OPCML: variants seen among roughly 807,000 people sequenced by gnomAD.
OPCML encodes the protein opioid-binding protein/cell adhesion molecule.
OPCML carries 13 observed loss-of-function variants against 37.8 expected under a neutral mutation model. The observed-to-expected ratio is 0.34, with a 90% CI of 0.22 to 0.55. The LOEUF is 0.55. Ranked by LOEUF, OPCML falls within the 20% of genes least tolerant of loss-of-function variation. OPCML has a pLI of 0.91. For synonymous variants in OPCML, 176 were observed against 168.8 expected (o/e 1.04, Z -0.33); for missense variants, 341 against 435.6 (o/e 0.78, Z 1.93).
chr11:132,579,916 A>G (rs1236516187), intron 3 of OPCML, among the ~76,000 whole-genome samples: 1 of 152,172 alleles, frequency 6.6e-6, no homozygotes, highest in Non-Finnish European at 1.5e-5. Flanking sequence ...GCGACTTGTG[A>G]AAAATGTAGT....
intron 1 of OPCML, among the ~76,000 whole-genome samples, chr11:133,033,012 G>C (rs979212327): frequency 3.3e-5 from 5 of 152,090 alleles, no homozygotes; most frequent in African/African-American, 9.7e-5. Context: ...TCCCAGTCCA[G>C]AAATGGTTGT....
intron 1 of OPCML, among the ~76,000 whole-genome samples, chr11:133,447,868 T>C (rs1379907430): frequency 1.3e-5 from 2 of 152,246 alleles, no homozygotes; most frequent in Non-Finnish European, 2.9e-5. Context: ...GGAAATCCTT[T>C]GCTTATTTTT....
At chr11:132,864,607 T>C (rs1942452024) in intron 2 of OPCML, among the ~76,000 whole-genome samples, 1 of 152,200 alleles carries the variant, frequency 6.6e-6, no homozygotes, top group African/African-American at 2.4e-5. Context: ...CTATAAATTG[T>C]AGGATCTAAT....
chr11:132,881,447 T>C (rs1297436916), intron 2 of OPCML, among the ~76,000 whole-genome samples: 1 of 152,038 alleles, frequency 6.6e-6, no homozygotes, highest in Non-Finnish European at 1.5e-5. Flanking sequence ...GCTGAGGAGC[T>C]GTGAGGCTGG....
intron 1 of OPCML, among the ~76,000 whole-genome samples, chr11:133,456,132 G>C (rs1946667149): frequency 6.6e-6 from 1 of 152,138 alleles, no homozygotes; most frequent in Non-Finnish European, 1.5e-5. Context: ...AATGTTAAGG[G>C]GGACTATAGA....
intron 1 of OPCML, among the ~76,000 whole-genome samples, chr11:133,335,810 A>G (rs1488065776): frequency 6.6e-6 from 1 of 152,066 alleles, no homozygotes; most frequent in African/African-American, 2.4e-5. Context: ...GCTCCCAAGA[A>G]TCAAACTGAT....
intron 2 of OPCML, among the ~76,000 whole-genome samples, chr11:132,918,061 G>A (rs1198437408): frequency 6.6e-6 from 1 of 151,998 alleles, no homozygotes; most frequent in Non-Finnish European, 1.5e-5. Flanking sequence ...CTATGTCACT[G>A]GTGTTGGAAA....
chr11:132,820,674 C>T (rs1373525972), intron 2 of OPCML, among the ~76,000 whole-genome samples: 3 of 152,112 alleles, frequency 2.0e-5, no homozygotes, highest in Non-Finnish European at 4.4e-5. Flanking sequence ...CCAGAAATTG[C>T]TGAATTCACT....
At chr11:132,567,931 T>C (rs1190305818) in intron 3 of OPCML, among the ~76,000 whole-genome samples, 1 of 152,112 alleles carries the variant, frequency 6.6e-6, no homozygotes, top group Admixed American at 6.5e-5. Context: ...GACAGAAGCC[T>C]GGGAAAATGG....
At chr11:132,914,995 T>C (rs1198297564) in intron 2 of OPCML, among the ~76,000 whole-genome samples, 1 of 152,230 alleles carries the variant, frequency 6.6e-6, no homozygotes, top group East Asian at 1.9e-4. Context: ...TTGCGGCCTG[T>C]GCAAGAGCTT....
intron 1 of OPCML, among the ~76,000 whole-genome samples, chr11:133,497,350 T>C (rs190915353): frequency 6.6e-6 from 1 of 152,270 alleles, no homozygotes; most frequent in Non-Finnish European, 1.5e-5. Context: ...GTGTCCAAAG[T>C]TTCCTGAATT....
intron 2 of OPCML, among the ~76,000 whole-genome samples, chr11:132,741,371 A>G (rs1333818234): frequency 6.6e-6 from 1 of 152,148 alleles, no homozygotes; most frequent in Non-Finnish European, 1.5e-5. Context: ...ACCTGAAAAC[A>G]TTTTTGACAC....
At position 133,208,431 on chromosome 11, in the gene OPCML, T is replaced by C. The variant is rs576341553; in HGVS notation, c.62-265421A>G. ...TCTGGAGTTTACTCTGGGCGCAGGA[T>C]GTGGTGCAGAGTAAATCATTAAATT... On this transcript the variant is annotated intron_variant, in intron 1 of 7. Transcript: ENST00000524381. This position sits in a 1 kb window ranked among gnomAD's most constrained non-coding sequence, Gnocchi z 8.9. Among the ~76,000 whole-genome samples, 7 of 152,302 alleles carry C rather than the reference T, an allele frequency of 4.6e-5. No individual in the cohort carries two copies. In the East Asian group the frequency reaches 1.4e-3, roughly 29 times the overall value.
At position 133,265,635 on chromosome 11, in the gene OPCML, G is replaced by T. The variant is rs538452802; in HGVS notation, c.61+266629C>A. Among the ~76,000 whole-genome samples the T allele has an allele frequency of 7.9e-4, 121 of 152,320 alleles. 2 individuals carry two copies. The highest frequency in any genetic ancestry group is 1.5e-4 in the Non-Finnish European group (10 of 68,024). ...AAACAAGACGGAAGCCAGTGTTGGG[G>T]CTGTGTCCCCATCACAGTGGGGTTG... On this transcript the variant is annotated intron_variant, in intron 1 of 7. Coordinates refer to ENST00000524381, the MANE Select transcript of OPCML (RefSeq NM_001012393.5).
At chr11:132,747,036 G>T (rs1428688049) in intron 2 of OPCML, among the ~76,000 whole-genome samples, 1 of 152,176 alleles carries the variant, frequency 6.6e-6, no homozygotes. Flanking sequence ...ATGAGATGAT[G>T]TGAGCAAGAT....
chr11:133,038,974 G>A (rs549497899), intron 1 of OPCML, among the ~76,000 whole-genome samples: 1 of 152,272 alleles, frequency 6.6e-6, no homozygotes, highest in African/African-American at 2.4e-5. Flanking sequence ...AGAAATCAGC[G>A]GGACCCACAC....
chr11:133,119,613 G>A (rs1348564289), intron 1 of OPCML, among the ~76,000 whole-genome samples: 2 of 152,138 alleles, frequency 1.3e-5, no homozygotes, highest in East Asian at 3.9e-4. Context: ...AGTGCAAACA[G>A]CATAGGGCAT....
At position 133,520,728 on chromosome 11, in the gene OPCML, C is replaced by T. The variant is rs575239895; in HGVS notation, c.61+11536G>A. ...TAAGAGGCAGGCATTATCAGCCAGGCCTGGTCTTCACGGAGCCAGAGAGCA... is the reference window on the plus strand; with the variant it reads ...TAAGAGGCAGGCATTATCAGCCAGGTCTGGTCTTCACGGAGCCAGAGAGCA... On this transcript the variant is annotated intron_variant, in intron 1 of 7. Coordinates refer to ENST00000524381, the MANE Select transcript of OPCML (RefSeq NM_001012393.5). Among the ~76,000 whole-genome samples, 14 of 152,282 alleles carry T rather than the reference C, an allele frequency of 9.2e-5. No homozygotes were observed. In the East Asian group the frequency reaches 2.3e-3, roughly 25 times the overall value.
At chr11:133,060,571 G>C (rs1334803361) in intron 1 of OPCML, among the ~76,000 whole-genome samples, 1 of 152,196 alleles carries the variant, frequency 6.6e-6, no homozygotes, top group Non-Finnish European at 1.5e-5. Context: ...GTGGAGGGGA[G>C]GGGCAGCCAC....
Sources: gnomAD v4.1 joint callset for allele counts (sites outside exome capture counted in the v4.1 genomes callset) on GRCh38, gnomAD v4.1.1 for gene constraint, Gnocchi (gnomAD v3.1) non-coding constraint, MANE v1.5 for transcripts, NCBI Gene and HGNC (gene_info 2026-07-23, HGNC 2026-07-21) for gene names.